SARDH: variants seen among roughly 807,000 people sequenced by gnomAD.
SARDH encodes sarcosine dehydrogenase, mitochondrial.
SARDH carries 95 observed loss-of-function variants against 109.1 expected under a neutral mutation model. The observed-to-expected ratio is 0.87, with a 90% CI of 0.74 to 1.03. The LOEUF (loss-of-function observed/expected upper bound fraction) is 1.03. Ranked by LOEUF, SARDH falls within the 50% of genes least tolerant of loss-of-function variation. The pLI, the probability that SARDH is intolerant of heterozygous loss-of-function variation, is 0.00. For missense variants in SARDH, 1,267 were observed against 1,287.8 expected (o/e 0.98, Z 0.25); for synonymous variants, 572 against 534.8 (o/e 1.07, Z -0.96).
chr9:133,700,684 C>A (rs1157152252), intron 13 of SARDH, among the ~76,000 whole-genome samples: 1 of 151,924 alleles, frequency 6.6e-6, no homozygotes, highest in South Asian at 2.1e-4. Context: ...ATATAGTATG[C>A]GAATTAGATC....
intron 6 of SARDH, among the ~76,000 whole-genome samples, chr9:133,719,678 C>A (rs1832255724): frequency 7.7e-6 from 1 of 130,424 alleles, no homozygotes; most frequent in Non-Finnish European, 1.6e-5. Context: ...CTGTGAGACA[C>A]TGAGAGGCCC....
In SARDH at chr9:133,671,633, G is replaced by A. The variant is rs749213562; in HGVS notation, c.2228C>T (p.Ser743Phe). 6.3e-7 allele frequency: 1 copy of A among 1,598,660 alleles called. No individual in the cohort carries two copies. The highest frequency in any genetic ancestry group is 8.5e-7 in the Non-Finnish European group (1 of 1,173,176). ...LGWELHIPKA[S>F]CVPVYRAVMA... ...CACAGCCCGGTACACAGGCACGCAG[G>A]ACGCCTTTGGAATGTGCAGCTCCCA... is the stretch of plus-strand genomic sequence containing the variant. Residue 743 changes from serine to phenylalanine, a missense_variant, in exon 18 of 21, where the codon TCC becomes TTC. Transcript: ENST00000439388.
At chr9:133,670,277 C>T (rs369042819) in intron 19 of SARDH, among the ~76,000 whole-genome samples, 96 of 149,846 alleles carry the variant, frequency 6.4e-4, no homozygotes, top group Non-Finnish European at 5.6e-4. Context: ...TGCAGTGAGC[C>T]GAGATTGCGC....
At position 133,728,093 on chromosome 9, in the gene SARDH, T is replaced by C. The variant is rs1832555696; in HGVS notation, c.915+1672A>G. On this transcript the variant is annotated intron_variant, in intron 6 of 20. Coordinates refer to ENST00000439388, the MANE Select transcript of SARDH (RefSeq NM_001134707.2). This position sits in a 1 kb window ranked among gnomAD's most constrained non-coding sequence, Gnocchi z 5.0. ...CAGCACTCAGCTCCGACACCCACCGTGTGACTACTCTTAGTCCCTAACCCG... is the reference window on the plus strand; with the variant it reads ...CAGCACTCAGCTCCGACACCCACCGCGTGACTACTCTTAGTCCCTAACCCG... 6.6e-6 allele frequency among the ~76,000 whole-genome samples: 1 copy of C among 152,044 alleles called. No homozygotes were observed. Among genetic ancestry groups the C allele is most frequent in the African/African-American group, 2.4e-5 (1 of 41,402 alleles).
chr9:133,691,252 C>A (rs537069890), intron 15 of SARDH, among the ~76,000 whole-genome samples: 1 of 151,976 alleles, frequency 6.6e-6, no homozygotes, highest in African/African-American at 2.4e-5. Context: ...AGTGGCCCCC[C>A]CAGTCTGCAG....
chr9:133,732,380 C>A (rs1471831033), intron 3 of SARDH, 43 bp downstream of exon 3: 1 of 815,558 alleles, frequency 1.2e-6, no homozygotes, highest in Non-Finnish European at 2.0e-6. Context: ...GTGCACCCAC[C>A]CACCCAAGCC....
rs1588367157 is a variant in SARDH, at chr9:133,666,794, C to A, written c.2572G>T (p.Gly858Trp). The A allele has an allele frequency of 5.6e-6, 9 of 1,606,018 alleles. No homozygotes were observed. The East Asian group carries it at 2.0e-4, about 36-fold the overall frequency. ...GCGATGGTCTTGTCGATGGCGAACCCAAAGTCAGCCCTCCGGACATGGCCC... is the reference window on the plus strand; with the variant it reads ...GCGATGGTCTTGTCGATGGCGAACCAAAAGTCAGCCCTCCGGACATGGCCC... The part of the protein sequence containing the change: ...VVGHVRRADF[G>W]FAIDKTIAYG... The change falls in exon 20 of 21, where the codon GGG becomes TGG. Residue 858 changes from glycine (G) to tryptophan (W), a missense_variant. Coordinates refer to ENST00000439388, the MANE Select transcript of SARDH (RefSeq NM_001134707.2). This position sits in a 1 kb window ranked among gnomAD's most constrained non-coding sequence, Gnocchi z 5.2.
At chr9:133,734,399 A>ATTCG (rs1422331487) in intron 1 of SARDH, among the ~76,000 whole-genome samples, 196 bp from the exon 2 acceptor site, 3 of 127,056 alleles carry the variant, frequency 2.4e-5, no homozygotes, top group Non-Finnish European at 4.9e-5. Flanking sequence ...TCATTCACTC[A>ATTCG]TTCATTCACT....
chr9:133,707,199 G>A (rs1466022497), intron 11 of SARDH, among the ~76,000 whole-genome samples: 1 of 152,202 alleles, frequency 6.6e-6, no homozygotes, highest in Admixed American at 6.5e-5. Flanking sequence ...GGGGGGCAGG[G>A]GCGTGCTTCA....
chr9:133,661,285 A>C (rs530458530), downstream of SARDH, among the ~76,000 whole-genome samples: 3 of 150,908 alleles, frequency 2.0e-5, no homozygotes, highest in East Asian at 6.1e-4. Context: ...GGTTGTAGTG[A>C]GCTGAGATCA....
intron 17 of SARDH, among the ~76,000 whole-genome samples, chr9:133,672,273 C>CTAGGATATTAT (rs1292961667): frequency 6.6e-6 from 1 of 152,194 alleles, no homozygotes; most frequent in Non-Finnish European, 1.5e-5. Context: ...TAGGACCTTC[C>CTAGGATATTAT]CTAGCCCTAG....
intron 6 of SARDH, among the ~76,000 whole-genome samples, chr9:133,726,228 A>G (rs1053268863): frequency 2.0e-5 from 3 of 151,366 alleles, no homozygotes; most frequent in African/African-American, 4.9e-5. Flanking sequence ...ATTAGCCAGG[A>G]GTGGTGGCAC....
At chr9:133,683,318 G>A (rs10114133) in intron 17 of SARDH, among the ~76,000 whole-genome samples, 5,478 of 152,316 alleles carry the variant, frequency 0.036, 355 homozygotes, top group African/African-American at 0.12. Flanking sequence ...CCTCAAATGG[G>A]AGGGGACGTG....
rs1830060157 is a variant in SARDH, at chr9:133,666,240, C to T, written c.2631+495G>A. ...GAACATGGGTCTCTGAGTCTCTAGT[C>T]GGTCACCCTGGGGGCCACCCCTGCA... On this transcript the variant is annotated intron_variant, in intron 20 of 20. Transcript: ENST00000439388. This position sits in a 1 kb window ranked among gnomAD's most constrained non-coding sequence, Gnocchi z 5.2. Among the ~76,000 whole-genome samples the T allele has an allele frequency of 1.3e-5, 2 of 151,200 alleles. No individual in the cohort carries two copies. Among genetic ancestry groups the T allele is most frequent in the African/African-American group, 2.4e-5 (1 of 41,260 alleles).
chr9:133,725,257 G>A (rs916838129), intron 6 of SARDH: 6 of 164,020 alleles, frequency 3.7e-5, no homozygotes, highest in African/African-American at 1.2e-4. Context: ...TTTGGGGCAT[G>A]AAGATAATGT....
intron 16 of SARDH, 57 bp downstream of exon 16, chr9:133,690,323 A>T: frequency 6.3e-7 from 1 of 1,578,276 alleles, no homozygotes. Flanking sequence ...GGCCTGTTGG[A>T]GGACCTGGGT....
intron 17 of SARDH, among the ~76,000 whole-genome samples, chr9:133,681,142 C>A (rs1830681171): frequency 1.3e-5 from 2 of 152,200 alleles, no homozygotes; most frequent in South Asian, 2.1e-4. Flanking sequence ...GCACCGGGGA[C>A]ATCTGCCGCC....
At chr9:133,713,216 C>A in intron 8 of SARDH, 92 bp from the exon 9 acceptor site, 1 of 1,131,806 alleles carries the variant, frequency 8.8e-7, no homozygotes, top group Non-Finnish European at 1.3e-6. Flanking sequence ...CAGGCAGGGT[C>A]TGCAGGGGCC....
intron 15 of SARDH, 31 bp downstream of exon 15, chr9:133,694,227 A>G: frequency 6.8e-7 from 1 of 1,478,236 alleles, no homozygotes; most frequent in Non-Finnish European, 9.2e-7. Context: ...GGCCGCAGTC[A>G]CAGCGCCGTG....
Sources: gnomAD v4.1 joint callset for allele counts (sites outside exome capture counted in the v4.1 genomes callset) on GRCh38, gnomAD v4.1.1 for gene constraint, Gnocchi (gnomAD v3.1) non-coding constraint, MANE v1.5 for transcripts, NCBI Gene and HGNC (gene_info 2026-07-23, HGNC 2026-07-21) for gene names.